Variants in AGBL4 observed in about 807,000 individuals in gnomAD.
The protein encoded by AGBL4 is AGBL carboxypeptidase 4.
Under a neutral mutation model 66.4 loss-of-function variants are expected in AGBL4, and 58 were observed. That is an observed-to-expected ratio of 0.87 (90% CI 0.71 to 1.09). The LOEUF (loss-of-function observed/expected upper bound fraction) is 1.09, where lower values mean the gene tolerates loss of function less well. Among genes scored for constraint, AGBL4 ranks in the 50% least tolerant of loss-of-function variants. The pLI is 0.00. For missense variants in AGBL4, 579 were observed against 631.0 expected (o/e 0.92, Z 0.88); for synonymous variants, 234 against 222.9 (o/e 1.05, Z -0.44).
chr1:49,470,892 A>G (rs1357618013), intron 3 of AGBL4, among the ~76,000 whole-genome samples: 4 of 152,002 alleles, frequency 2.6e-5, no homozygotes, highest in Non-Finnish European at 4.4e-5. Context: ...GGCTTCAATA[A>G]AAGTTGCTGT....
intron 5 of AGBL4, among the ~76,000 whole-genome samples, chr1:48,920,924 T>C (rs1008950773): frequency 2.0e-5 from 3 of 152,206 alleles, no homozygotes; most frequent in Non-Finnish European, 2.9e-5. Context: ...AAAAAAATCT[T>C]CCCACTGTTT....
At chr1:48,983,496 T>A (rs1659938472) in intron 5 of AGBL4, among the ~76,000 whole-genome samples, 1 of 152,144 alleles carries the variant, frequency 6.6e-6, no homozygotes, top group African/African-American at 2.4e-5. Flanking sequence ...TTTCTCAGAA[T>A]TAAATAAGAT....
intron 1 of AGBL4, among the ~76,000 whole-genome samples, chr1:49,960,595 T>C (rs1233033132): frequency 6.6e-6 from 1 of 152,122 alleles, no homozygotes; most frequent in Non-Finnish European, 1.5e-5. Flanking sequence ...ACAATCAATA[T>C]TTGAGATTAT....
intron 5 of AGBL4, among the ~76,000 whole-genome samples, chr1:48,998,309 C>T (rs565258310): frequency 1.3e-5 from 2 of 151,994 alleles, no homozygotes; most frequent in African/African-American, 4.8e-5. Context: ...TGAAACATGC[C>T]ACAAAAAGAG....
chr1:49,530,507 G>A (rs1241506343), intron 3 of AGBL4, among the ~76,000 whole-genome samples: 1 of 151,844 alleles, frequency 6.6e-6, no homozygotes, highest in Non-Finnish European at 1.5e-5. Flanking sequence ...GAATCCTCAG[G>A]TTTTTAATCT....
chr1:48,646,539 G>GTGTGTGTA (rs886674398), intron 8 of AGBL4, among the ~76,000 whole-genome samples: 3 of 151,550 alleles, frequency 2.0e-5, no homozygotes, highest in African/African-American at 7.3e-5. Context: ...GTGTGTGTGT[G>GTGTGTGTA]TGTGTGTGTG....
intron 2 of AGBL4, among the ~76,000 whole-genome samples, chr1:49,837,094 T>C (rs1402124151): frequency 2.0e-5 from 3 of 152,188 alleles, no homozygotes; most frequent in Non-Finnish European, 4.4e-5. Context: ...TGCTGGAGGA[T>C]CCACTGCTAT....
Position 49,129,455 on chromosome 1 carries a change from C to T in AGBL4, c.378-83655G>A, listed in dbSNP as rs578017462. 1.8e-4 allele frequency among the ~76,000 whole-genome samples: 27 copies of T among 151,092 alleles called. 1 individual carries two copies. The South Asian group carries it at 5.2e-3, about 29-fold the overall frequency. ...ATTAGGTATATCTCCTAATGCTATC[C>T]CTCCCACCTCCCCCAACCCCACAAC... On this transcript the variant is annotated intron_variant, in intron 4 of 13. Coordinates refer to ENST00000371839, the MANE Select transcript of AGBL4 (RefSeq NM_032785.4).
intron 4 of AGBL4, among the ~76,000 whole-genome samples, chr1:49,183,998 C>T (rs1005822755): frequency 1.3e-5 from 2 of 152,018 alleles, no homozygotes; most frequent in African/African-American, 4.8e-5. Flanking sequence ...AAACTGAGGC[C>T]CAGAAAGGTG....
intron 1 of AGBL4, among the ~76,000 whole-genome samples, chr1:50,015,081 A>G (rs1412904002): frequency 1.3e-5 from 2 of 152,216 alleles, no homozygotes; most frequent in Admixed American, 6.5e-5. Flanking sequence ...CAAGTTTGTG[A>G]TGCACATGTT....
At chr1:49,393,276 T>C (rs1644887995) in intron 3 of AGBL4, among the ~76,000 whole-genome samples, 1 of 152,160 alleles carries the variant, frequency 6.6e-6, no homozygotes, top group South Asian at 2.1e-4. Context: ...ATGACAACAG[T>C]AACAATAAAG....
intron 4 of AGBL4, among the ~76,000 whole-genome samples, chr1:49,151,281 A>AAATATAT (rs1553160471): frequency 1.4e-5 from 2 of 143,190 alleles, no homozygotes; most frequent in Admixed American, 7.0e-5. Context: ...AAAAAAAAAA[A>AAATATAT]ATATATATAT....
intron 1 of AGBL4, among the ~76,000 whole-genome samples, chr1:50,015,702 A>C (rs1661926801): frequency 6.6e-6 from 1 of 151,844 alleles, no homozygotes; most frequent in Non-Finnish European, 1.5e-5. Flanking sequence ...AAAAACAAAC[A>C]AAAAAAACAA....
rs1645004399 is a variant in AGBL4, at chr1:49,314,580, A to G, written c.283-68716T>C. ...ATGAACTCATCTTTTTTATGGCTGC[A>G]TAGTATTCCATGGTGTATATGTGCC... On this transcript the variant is annotated intron_variant, in intron 3 of 13. Coordinates refer to ENST00000371839, the MANE Select transcript of AGBL4 (RefSeq NM_032785.4). 2.0e-5 allele frequency among the ~76,000 whole-genome samples: 3 copies of G among 152,104 alleles called. No individual in the cohort carries two copies. The South Asian group carries it at 6.2e-4, about 32-fold the overall frequency.
At chr1:48,784,647 C>T (rs918758114) in intron 6 of AGBL4, among the ~76,000 whole-genome samples, 3 of 152,138 alleles carry the variant, frequency 2.0e-5, no homozygotes, top group Non-Finnish European at 4.4e-5. Flanking sequence ...GAAGCGTTTA[C>T]AGCAATCTGA....
intron 1 of AGBL4, among the ~76,000 whole-genome samples, chr1:49,864,821 T>A (rs781043947): frequency 8.5e-5 from 13 of 152,066 alleles, no homozygotes; most frequent in Non-Finnish European, 1.5e-4. Context: ...CTGCTTGCTG[T>A]CATCACTGCG....
At chr1:49,464,335 A>C (rs1646580098) in intron 3 of AGBL4, among the ~76,000 whole-genome samples, 1 of 151,776 alleles carries the variant, frequency 6.6e-6, no homozygotes, top group Non-Finnish European at 1.5e-5. Context: ...AGGCTTGCCC[A>C]ATGTTACACT....
chr1:49,290,052 T>G (rs1157546141), intron 3 of AGBL4, among the ~76,000 whole-genome samples: 2 of 152,180 alleles, frequency 1.3e-5, no homozygotes, highest in Non-Finnish European at 2.9e-5. Flanking sequence ...ATTACATTTT[T>G]TAAACTTTGC....
chr1:48,846,819 T>C (rs1442584581), intron 6 of AGBL4, among the ~76,000 whole-genome samples: 3 of 152,172 alleles, frequency 2.0e-5, no homozygotes, highest in African/African-American at 7.2e-5. Flanking sequence ...ATGTGTCATG[T>C]ATTTTTTTTT....
Sources: allele counts gnomAD v4.1 joint callset (sites outside exome capture counted in the v4.1 genomes callset), GRCh38; gene constraint gnomAD v4.1.1; transcripts MANE v1.5; gene names NCBI Gene and HGNC (gene_info 2026-07-23, HGNC 2026-07-21).